The following ASPRV1 variants were observed in gnomAD, a reference collection of about 807,000 sequenced individuals.
The protein encoded by ASPRV1 is aspartic peptidase retroviral like 1, also known as retroviral-like aspartic protease 1.
ASPRV1 carries 7 observed loss-of-function variants against 11.0 expected under a neutral mutation model. The ratio of observed to expected loss-of-function variants is 0.64; its 90% CI spans 0.36 to 1.20. The LOEUF (loss-of-function observed/expected upper bound fraction) is 1.20, where lower values mean the gene tolerates loss of function less well. Ranked by LOEUF, ASPRV1 falls within the 50% of genes most tolerant of loss-of-function variation. ASPRV1 has a pLI of 0.02. For synonymous variants in ASPRV1, 136 were observed against 138.4 expected (o/e 0.98, Z 0.12); for missense variants, 299 against 320.0 (o/e 0.93, Z 0.50).
chr2:70,051,617 A>T, the ASPRV1 span, among the ~76,000 whole-genome samples: 1 of 152,214 alleles, frequency 6.6e-6, no homozygotes, highest in African/African-American at 2.4e-5. Flanking sequence ...CACTCAACAA[A>T]TATTTATTAA....
the ASPRV1 span, chr2:70,031,746 G>C: frequency 6.6e-6 from 1 of 152,106 alleles, no homozygotes; most frequent in African/African-American, 2.4e-5. Flanking sequence ...AAATGTTCAG[G>C]GTTAGACTAG....
At chr2:70,010,316 A>C in the ASPRV1 span, among the ~76,000 whole-genome samples, 1 of 152,130 alleles carries the variant, frequency 6.6e-6, no homozygotes, top group Non-Finnish European at 1.5e-5. Flanking sequence ...GGAGCCACAA[A>C]GTCTACAGGG....
the ASPRV1 span, among the ~76,000 whole-genome samples, chr2:69,973,014 T>C: frequency 6.6e-6 from 1 of 152,032 alleles, no homozygotes; most frequent in Non-Finnish European, 1.5e-5. Flanking sequence ...CTCTGGCCAC[T>C]CCTCAGACTA....
the ASPRV1 span, among the ~76,000 whole-genome samples, chr2:70,071,048 C>T: frequency 1.3e-5 from 2 of 152,198 alleles, no homozygotes; most frequent in Admixed American, 1.3e-4. Context: ...GTCAAGTGCC[C>T]GGATAAACTT....
At chr2:69,983,132 C>T in the ASPRV1 span, among the ~76,000 whole-genome samples, 2 of 152,074 alleles carry the variant, frequency 1.3e-5, no homozygotes, top group South Asian at 2.1e-4. Context: ...TTGGCCAGGT[C>T]GGTCTTGAAC....
At chr2:70,020,140 T>A in the ASPRV1 span, among the ~76,000 whole-genome samples, 1 of 152,176 alleles carries the variant, frequency 6.6e-6, no homozygotes, top group Non-Finnish European at 1.5e-5. Context: ...GTAGAGTTAC[T>A]GGGAATGCAA....
chr2:70,075,723 G>A, the ASPRV1 span, among the ~76,000 whole-genome samples: 10 of 151,944 alleles, frequency 6.6e-5, no homozygotes, highest in South Asian at 2.1e-4. Flanking sequence ...TCACATGCCC[G>A]TAATCCCAGC....
the ASPRV1 span, among the ~76,000 whole-genome samples, chr2:70,058,110 T>C: frequency 2.0e-4 from 30 of 152,308 alleles, no homozygotes; most frequent in East Asian, 2.9e-3. Flanking sequence ...GCTGTATGTG[T>C]TGGCTTTATC....
At chr2:70,022,830 C>T in the ASPRV1 span, among the ~76,000 whole-genome samples, 2 of 151,874 alleles carry the variant, frequency 1.3e-5, no homozygotes, top group Non-Finnish European at 2.9e-5. Context: ...TAAATGCATA[C>T]TATTTTTTGT....
chr2:70,039,259 A>G, the ASPRV1 span, among the ~76,000 whole-genome samples: 2 of 152,196 alleles, frequency 1.3e-5, no homozygotes, highest in African/African-American at 2.4e-5. Context: ...TAAAGTCTGC[A>G]ACGCATATAA....
At chr2:70,085,811 T>G in the ASPRV1 span, 1 of 152,270 alleles carries the variant, frequency 6.6e-6, no homozygotes, top group Non-Finnish European at 1.5e-5. Flanking sequence ...ATTAATAAGA[T>G]TCACCGGCCA....
At chr2:70,083,220 G>C in the ASPRV1 span, among the ~76,000 whole-genome samples, 1 of 152,196 alleles carries the variant, frequency 6.6e-6, no homozygotes, top group Non-Finnish European at 1.5e-5. Flanking sequence ...AGAAGCCATG[G>C]AAAGGTGTAA....
the ASPRV1 span, among the ~76,000 whole-genome samples, chr2:69,979,551 C>T: frequency 6.6e-6 from 1 of 152,190 alleles, no homozygotes; most frequent in African/African-American, 2.4e-5. Context: ...GGAGGCCAGC[C>T]CTGGACATGG....
the ASPRV1 span, chr2:69,939,403 T>G: frequency 6.6e-6 from 1 of 152,648 alleles, no homozygotes; most frequent in Non-Finnish European, 1.5e-5. Flanking sequence ...AAAGGCTGAT[T>G]TTTCTTTTTG....
chr2:70,082,238 C>G, the ASPRV1 span, among the ~76,000 whole-genome samples: 1 of 151,974 alleles, frequency 6.6e-6, no homozygotes, highest in Non-Finnish European at 1.5e-5. Flanking sequence ...ACCCGCCTCA[C>G]CACCTCATCC....
the ASPRV1 span, among the ~76,000 whole-genome samples, chr2:70,080,757 C>A: frequency 6.6e-6 from 1 of 152,148 alleles, no homozygotes; most frequent in Admixed American, 6.5e-5. Flanking sequence ...CAATAGTCAC[C>A]AAAAACTGGA....
chr2:69,953,446 C>T, the ASPRV1 span, among the ~76,000 whole-genome samples: 1 of 152,230 alleles, frequency 6.6e-6, no homozygotes, highest in Non-Finnish European at 1.5e-5. Flanking sequence ...CCGTGCATGG[C>T]ACAGAAAGCA....
chr2:70,068,732 G>C, the ASPRV1 span, among the ~76,000 whole-genome samples: 1 of 150,922 alleles, frequency 6.6e-6, no homozygotes, highest in Non-Finnish European at 1.5e-5. Context: ...TCGGGAGTTC[G>C]AGACCAGCCT....
chr2:69,971,739 G>T, the ASPRV1 span, among the ~76,000 whole-genome samples: 6 of 152,250 alleles, frequency 3.9e-5, no homozygotes, highest in East Asian at 1.2e-3. Flanking sequence ...ATGTAGCCAA[G>T]CCAGCCCTGC....
Sources: gnomAD v4.1 joint callset for allele counts (sites outside exome capture counted in the v4.1 genomes callset) on GRCh38, gnomAD v4.1.1 for gene constraint, MANE v1.5 for transcripts, NCBI Gene and HGNC (gene_info 2026-07-23, HGNC 2026-07-21) for gene names.